Variants in KLHL5 observed in about 807,000 individuals in gnomAD.
The protein encoded by KLHL5 is kelch-like protein 5.
In KLHL5, 48 loss-of-function variants were observed where a neutral mutation model predicts 77.7. The ratio of observed to expected loss-of-function variants is 0.62; its 90% CI spans 0.49 to 0.79. The LOEUF (loss-of-function observed/expected upper bound fraction) is 0.79, where lower values mean the gene tolerates loss of function less well. KLHL5 is among the 30% of genes least tolerant of loss of function. The pLI is 0.00. For synonymous variants in KLHL5, 260 were observed against 297.0 expected (o/e 0.88, Z 1.28); for missense variants, 723 against 859.7 (o/e 0.84, Z 1.99).
At chr4:39,140,672 A>G in the KLHL5 span, among the ~76,000 whole-genome samples, 1 of 152,192 alleles carries the variant, frequency 6.6e-6, no homozygotes, top group Non-Finnish European at 1.5e-5. Context: ...GATGCATAAG[A>G]AACATTAGTA....
At chr4:39,105,979 C>T (rs1201880381) in intron 7 of KLHL5, among the ~76,000 whole-genome samples, 1 of 152,112 alleles carries the variant, frequency 6.6e-6, no homozygotes, top group Non-Finnish European at 1.5e-5. Flanking sequence ...TGTCGCACCT[C>T]TTCTCAAATC....
chr4:39,106,056 C>T (rs532490705), intron 7 of KLHL5, among the ~76,000 whole-genome samples: 9 of 152,104 alleles, frequency 5.9e-5, no homozygotes, highest in African/African-American at 1.9e-4. Flanking sequence ...GAATAAGATC[C>T]GAAGTCCTTA....
At chr4:39,067,498 T>A (rs1449562707) in intron 1 of KLHL5, among the ~76,000 whole-genome samples, 1 of 152,088 alleles carries the variant, frequency 6.6e-6, no homozygotes, top group East Asian at 1.9e-4. Flanking sequence ...AACACTGTAC[T>A]ATTAATATAT....
In KLHL5 at chr4:39,076,229, T is replaced by G. The variant is rs560195489; in HGVS notation, c.566+82T>G. The G allele has an allele frequency of 9.2e-6, 11 of 1,194,700 alleles. No homozygotes were observed. The African/African-American group carries it at 1.7e-4, about 19-fold the overall frequency. The allele number at this position is 1,194,700 out of a possible 1,614,324, so 74.0% of individuals were successfully genotyped here. On this transcript the variant is annotated intron_variant, in intron 2 of 10. Transcript: ENST00000504108. Reference sequence around the variant, plus strand: ...GTATATTGAGGTAACCTACTTCAATTGACTATTATGTTTTTGGGAAGGGGT... The same window carrying G: ...GTATATTGAGGTAACCTACTTCAATGGACTATTATGTTTTTGGGAAGGGGT...
chr4:39,129,621 G>A (rs552638699), downstream of KLHL5, among the ~76,000 whole-genome samples: 24 of 152,256 alleles, frequency 1.6e-4, no homozygotes, highest in South Asian at 5.0e-3. The surrounding 1 kb of genome is among the most constrained non-coding windows in gnomAD (Gnocchi z 4.2). Context: ...GGTGAACACA[G>A]CACCCAACAG....
At chr4:39,136,005 C>CGTGTGTGTGTGT in the KLHL5 span, among the ~76,000 whole-genome samples, 36 of 146,020 alleles carry the variant, frequency 2.5e-4, no homozygotes, top group African/African-American at 8.2e-4. Context: ...CATTCTAACA[C>CGTGTGTGTGTGT]GTGTGTGTGT....
downstream of KLHL5, among the ~76,000 whole-genome samples, chr4:39,128,603 GAATA>G (rs1243857471): frequency 2.0e-5 from 3 of 152,156 alleles, no homozygotes; most frequent in African/African-American, 4.8e-5. Flanking sequence ...ACTGCCAGCA[GAATA>G]AATAAAGTAA....
chr4:39,140,280 T>C, the KLHL5 span, among the ~76,000 whole-genome samples: 2 of 152,114 alleles, frequency 1.3e-5, no homozygotes, highest in Non-Finnish European at 2.9e-5. Context: ...TAATCCTGGA[T>C]TGAATCCTTT....
In KLHL5 at chr4:39,123,198, C is replaced by A. The variant is rs1723326486; in HGVS notation, c.*2132C>A. ...ATAAAAAATCCAAACAGACCTGTAA[C>A]AAGTAAAGAGATTGAACCAGTAATC... On this transcript the variant is annotated 3_prime_UTR_variant, in exon 11 of 11. Transcript: ENST00000504108. Among the ~76,000 whole-genome samples the A allele has an allele frequency of 6.6e-6, 1 of 152,076 alleles. No individual in the cohort carries two copies. The highest frequency in any genetic ancestry group is 1.5e-5 in the Non-Finnish European group (1 of 68,014).
Position 39,123,371 on chromosome 4 carries a change from G to T in KLHL5, c.*2305G>T, listed in dbSNP as rs1723336483. ...GCACCCTGTGACATTCTATAAGGCG[G>T]ACATTACCTTAACACCAAAGCCAGA... is the stretch of plus-strand genomic sequence containing the variant. On this transcript the variant is annotated 3_prime_UTR_variant, in exon 11 of 11. Transcript: ENST00000504108. 6.6e-6 allele frequency among the ~76,000 whole-genome samples: 1 copy of T among 152,108 alleles called. No individual in the cohort carries two copies. The highest frequency in any genetic ancestry group is 1.5e-5 in the Non-Finnish European group (1 of 68,022).
At position 39,107,566 on chromosome 4, in the gene KLHL5, T is replaced by C. The variant is rs1722142419; in HGVS notation, c.1526-3T>C. The stretch of plus-strand genomic sequence containing the variant: ...TCGTTAATTGTTTCCTGTCTCCTCA[T>C]AGGTGTGGCTGTACTGGAAGGTCCC... On this transcript the variant is annotated splice_polypyrimidine_tract_variant and splice_region_variant and intron_variant, in intron 7 of 10. Transcript: ENST00000504108. The C allele has an allele frequency of 6.3e-7, 1 of 1,599,254 alleles. No individual in the cohort carries two copies. Among genetic ancestry groups the C allele is most frequent in the Non-Finnish European group, 8.5e-7 (1 of 1,171,034 alleles).
chr4:39,054,568 A>G (rs932594687), intron 1 of KLHL5, among the ~76,000 whole-genome samples: 1 of 152,214 alleles, frequency 6.6e-6, no homozygotes, highest in African/African-American at 2.4e-5. Context: ...ACTTAATCCT[A>G]TTACTGAAGA....
chr4:39,070,137 C>T (rs773587297), intron 1 of KLHL5, among the ~76,000 whole-genome samples: 3 of 152,068 alleles, frequency 2.0e-5, no homozygotes, highest in Non-Finnish European at 2.9e-5. Flanking sequence ...TTGTTTGGGT[C>T]CTGTGCCCAC....
At chr4:39,090,415 T>C (rs537219123) in intron 5 of KLHL5, among the ~76,000 whole-genome samples, 2 of 151,890 alleles carry the variant, frequency 1.3e-5, no homozygotes, top group Admixed American at 6.6e-5. Context: ...ATGCCTGTGA[T>C]TGTAATCCTC....
At chr4:39,114,766 C>A (rs907211749) in intron 9 of KLHL5, among the ~76,000 whole-genome samples, 4 of 152,120 alleles carry the variant, frequency 2.6e-5, no homozygotes, top group African/African-American at 9.7e-5. Flanking sequence ...CTTAGCTATA[C>A]AACTTTGGGC....
At chr4:39,058,988 G>A (rs1717188546), upstream of KLHL5, among the ~76,000 whole-genome samples, 1 of 152,088 alleles carries the variant, frequency 6.6e-6, no homozygotes, top group African/African-American at 2.4e-5. Flanking sequence ...TGAATGATGA[G>A]TCTAATTTAC....
rs1227592892 is a variant in KLHL5, at chr4:39,101,992, A to G, written c.1301-1295A>G. On this transcript the variant is annotated intron_variant, in intron 6 of 10. Transcript: ENST00000504108. The stretch of plus-strand genomic sequence containing the variant: ...TATATGTATACATATATATATATAT[A>G]TGCATGCAGAGGTAGAAAAAGACTT... 4.1e-5 allele frequency among the ~76,000 whole-genome samples: 6 copies of G among 146,768 alleles called. No homozygotes were observed. The Admixed American group carries it at 4.1e-4, about 10-fold the overall frequency.
chr4:39,103,559 G>A (rs766304801), intron 7 of KLHL5, 48 bp downstream of exon 7: 55 of 1,460,778 alleles, frequency 3.8e-5, no homozygotes, highest in Non-Finnish European at 4.4e-5. Flanking sequence ...TAGCTCCCAC[G>A]GCACATTTAC....
At chr4:39,068,437 C>CTGTGTGTGTGTG (rs71192818) in intron 1 of KLHL5, among the ~76,000 whole-genome samples, 4,491 of 147,918 alleles carry the variant, frequency 0.03, 106 homozygotes, top group African/African-American at 0.046. Flanking sequence ...CCAGAAAACA[C>CTGTGTGTGTGTG]TGTGTGTGTG....
Sources: gnomAD v4.1 joint callset for allele counts (sites outside exome capture counted in the v4.1 genomes callset) on GRCh38, gnomAD v4.1.1 for gene constraint, Gnocchi (gnomAD v3.1) non-coding constraint, MANE v1.5 for transcripts, NCBI Gene and HGNC (gene_info 2026-07-23, HGNC 2026-07-21) for gene names.